The following DNAH6 variants were observed in gnomAD, a reference collection of about 807,000 sequenced individuals.
DNAH6 encodes dynein axonemal heavy chain 6.
Under a neutral mutation model 491.4 loss-of-function variants are expected in DNAH6, and 340 were observed. That is an observed-to-expected ratio of 0.69 (90% CI 0.63 to 0.76). DNAH6 has a LOEUF of 0.76. Ranked by LOEUF, DNAH6 falls within the 30% of genes least tolerant of loss-of-function variation. The pLI is 0.00. For synonymous variants in DNAH6, 1,603 were observed against 1,686.1 expected, an observed-to-expected ratio of 0.95 and a Z score of 1.21; for missense variants, 4,443 against 4,972.2, an observed-to-expected ratio of 0.89 and a Z score of 3.20.
chr2:84,579,202 A>G (rs1214839203), intron 13 of DNAH6, among the ~76,000 whole-genome samples: 1 of 152,230 alleles, frequency 6.6e-6, no homozygotes, highest in African/African-American at 2.4e-5. Flanking sequence ...CTGCATGGCT[A>G]GCGCCCAACA....
intron 60 of DNAH6, among the ~76,000 whole-genome samples, chr2:84,726,251 C>T (rs1210395301): frequency 6.6e-6 from 1 of 152,168 alleles, no homozygotes; most frequent in Non-Finnish European, 1.5e-5. Flanking sequence ...TCACCATGAA[C>T]AATATATCTT....
At chr2:84,649,784 C>T (rs1690245583) in intron 33 of DNAH6, among the ~76,000 whole-genome samples, 1 of 152,016 alleles carries the variant, frequency 6.6e-6, no homozygotes, top group South Asian at 2.1e-4. Flanking sequence ...CAAACTAACG[C>T]AGGAACAGAA....
chr2:84,706,202 G>A (rs967123805), intron 52 of DNAH6, among the ~76,000 whole-genome samples: 2 of 152,064 alleles, frequency 1.3e-5, no homozygotes, highest in Non-Finnish European at 2.9e-5. Context: ...ATAGAGCAGG[G>A]GTTGGCAAAC....
At chr2:84,515,678 T>G (rs1164990792), upstream of DNAH6, among the ~76,000 whole-genome samples, 1 of 152,112 alleles carries the variant, frequency 6.6e-6, no homozygotes, top group Non-Finnish European at 1.5e-5. Flanking sequence ...CTCCATGTGG[T>G]GTAAGGATTC....
At chr2:84,482,178 T>C in the DNAH6 span, among the ~76,000 whole-genome samples, 1 of 152,312 alleles carries the variant, frequency 6.6e-6, no homozygotes, top group South Asian at 2.1e-4. Flanking sequence ...GCATTCCTCT[T>C]GTATAGCTTC....
intron 22 of DNAH6, among the ~76,000 whole-genome samples, chr2:84,612,826 A>G (rs1558797115): frequency 2.0e-5 from 3 of 151,994 alleles, no homozygotes; most frequent in Admixed American, 1.3e-4. Flanking sequence ...GTTCCTTTCC[A>G]TGTATACTAA....
intron 29 of DNAH6, among the ~76,000 whole-genome samples, chr2:84,632,548 A>G (rs1228232073): frequency 5.3e-5 from 8 of 152,208 alleles, no homozygotes; most frequent in Admixed American, 5.2e-4. Context: ...AAAACTGTTC[A>G]AAAGTATCCC....
chr2:84,757,605 A>G (rs1405693435), intron 63 of DNAH6, among the ~76,000 whole-genome samples: 1 of 152,222 alleles, frequency 6.6e-6, no homozygotes, highest in Non-Finnish European at 1.5e-5. Flanking sequence ...ACTAAAATCA[A>G]AGAAGTGACT....
intron 22 of DNAH6, among the ~76,000 whole-genome samples, chr2:84,612,248 A>G (rs1018365120): frequency 6.6e-6 from 1 of 151,800 alleles, no homozygotes; most frequent in Non-Finnish European, 1.5e-5. Context: ...TTATAGCCAC[A>G]AAAATGTCCA....
chr2:84,579,227 C>T (rs1682775421), intron 13 of DNAH6, among the ~76,000 whole-genome samples: 1 of 152,200 alleles, frequency 6.6e-6, no homozygotes, highest in Non-Finnish European at 1.5e-5. Context: ...AGGAGTGGGA[C>T]TGATGCTGGA....
chr2:84,529,187 C>T, intron 4 of DNAH6, 21 bp downstream of exon 4: 1 of 1,474,008 alleles, frequency 6.8e-7, no homozygotes, highest in Non-Finnish European at 9.2e-7. Flanking sequence ...TTTTATGATG[C>T]AATTTAACAT....
chr2:84,759,124 C>T (rs1490130657), intron 63 of DNAH6, among the ~76,000 whole-genome samples: 4 of 151,338 alleles, frequency 2.6e-5, no homozygotes, highest in East Asian at 3.9e-4. Flanking sequence ...AATCAACATA[C>T]GAAAATCAGT....
chr2:84,695,687 C>A (rs1263937718), intron 46 of DNAH6, among the ~76,000 whole-genome samples: 1 of 151,910 alleles, frequency 6.6e-6, no homozygotes, highest in Non-Finnish European at 1.5e-5. Context: ...GACATGTATG[C>A]CCTGTGTACA....
the DNAH6 span, among the ~76,000 whole-genome samples, chr2:84,504,677 G>A: frequency 1.3e-5 from 2 of 152,108 alleles, no homozygotes; most frequent in Non-Finnish European, 2.9e-5. Context: ...CTCCTTGATG[G>A]ACTTGGTTAA....
chr2:84,656,708 T>C (rs527999098), intron 35 of DNAH6, among the ~76,000 whole-genome samples: 1 of 152,260 alleles, frequency 6.6e-6, no homozygotes, highest in Non-Finnish European at 1.5e-5. Flanking sequence ...ATTATATCTT[T>C]TGCAAATATT....
chr2:84,780,833 T>G (rs2105220647), intron 64 of DNAH6, among the ~76,000 whole-genome samples: 1 of 152,298 alleles, frequency 6.6e-6, no homozygotes, highest in East Asian at 1.9e-4. Context: ...GTGTATGTTG[T>G]GTATAGTTCA....
At chr2:84,610,882 T>A (rs1329632632) in intron 21 of DNAH6, among the ~76,000 whole-genome samples, 1 of 152,152 alleles carries the variant, frequency 6.6e-6, no homozygotes, top group Non-Finnish European at 1.5e-5. Context: ...GGGGACGTTT[T>A]CATACAGGGT....
chr2:84,599,395 T>G (rs1207643307), intron 18 of DNAH6, among the ~76,000 whole-genome samples: 1 of 152,128 alleles, frequency 6.6e-6, no homozygotes, highest in Non-Finnish European at 1.5e-5. Flanking sequence ...TCCAAACACT[T>G]TTTTTTCAAA....
chr2:84,792,214 A>G (rs963450754), intron 68 of DNAH6, among the ~76,000 whole-genome samples: 1 of 152,240 alleles, frequency 6.6e-6, no homozygotes, highest in Admixed American at 6.5e-5. Context: ...GGTGGGTATC[A>G]CAGGATAGAA....
Sources: gnomAD v4.1 joint callset for allele counts (sites outside exome capture counted in the v4.1 genomes callset) on GRCh38, gnomAD v4.1.1 for gene constraint, MANE v1.5 for transcripts, NCBI Gene and HGNC (gene_info 2026-07-23, HGNC 2026-07-21) for gene names.